VPS13B: variants seen among roughly 807,000 people sequenced by gnomAD.
VPS13B encodes the protein intermembrane lipid transfer protein VPS13B.
A neutral mutation model predicts 426.4 loss-of-function variants in VPS13B; 285 were observed. That is an observed-to-expected ratio of 0.67 (90% CI 0.61 to 0.74). The LOEUF (loss-of-function observed/expected upper bound fraction) is 0.74. Ranked by LOEUF, VPS13B falls within the 30% of genes least tolerant of loss-of-function variation. The pLI, the probability that VPS13B is intolerant of heterozygous loss-of-function variation, is 0.00. For missense variants in VPS13B, 4,537 were observed against 4,782.6 expected (o/e 0.95, Z 1.51); for synonymous variants, 1,676 against 1,676.4 (o/e 1.00, Z 0.01).
At chr8:99,086,459 C>A (rs980579898) in intron 3 of VPS13B, among the ~76,000 whole-genome samples, 1 of 152,206 alleles carries the variant, frequency 6.6e-6, no homozygotes, top group Non-Finnish European at 1.5e-5. Context: ...TCTCTCAAAT[C>A]GTCAAAGTCA....
chr8:99,821,739 A>G (rs191117937), intron 50 of VPS13B, among the ~76,000 whole-genome samples: 77 of 152,286 alleles, frequency 5.1e-4, no homozygotes, highest in African/African-American at 1.6e-3. Context: ...AACTTGATTT[A>G]TAGTATGTGG....
At chr8:99,188,052 C>CTTTT (rs756484540) in intron 16 of VPS13B, among the ~76,000 whole-genome samples, 2 of 56,210 alleles carry the variant, frequency 3.6e-5, no homozygotes, top group Non-Finnish European at 3.8e-5. Context: ...GTTGTTTGGA[C>CTTTT]ATTTTTTTTT....
At chr8:99,095,740 T>C (rs1846380413) in intron 3 of VPS13B, among the ~76,000 whole-genome samples, 1 of 152,160 alleles carries the variant, frequency 6.6e-6, no homozygotes, top group Non-Finnish European at 1.5e-5. Context: ...TTCAAAAATA[T>C]GTATAATTTA....
chr8:99,838,516 G>C (rs1443757399), intron 54 of VPS13B, among the ~76,000 whole-genome samples: 1 of 152,182 alleles, frequency 6.6e-6, no homozygotes, highest in Non-Finnish European at 1.5e-5. Context: ...CAACAACATT[G>C]AGAAGCCTGC....
intron 6 of VPS13B, among the ~76,000 whole-genome samples, chr8:99,114,398 G>A (rs192954873): frequency 2.0e-5 from 3 of 152,044 alleles, no homozygotes; most frequent in South Asian, 4.2e-4. Context: ...ATCAGTTCAG[G>A]TTCTTTATCC....
chr8:99,411,611 G>T (rs1351410265), intron 21 of VPS13B, among the ~76,000 whole-genome samples: 1 of 152,118 alleles, frequency 6.6e-6, no homozygotes, highest in African/African-American at 2.4e-5. Context: ...CGTTGCTTTT[G>T]GTGTTTTAGT....
At chr8:99,192,840 T>C in intron 16 of VPS13B, 36 bp from the exon 17 acceptor site, 1 of 1,608,518 alleles carries the variant, frequency 6.2e-7, no homozygotes. Context: ...TAAATGCTAT[T>C]TACTGTATTG....
intron 19 of VPS13B, among the ~76,000 whole-genome samples, chr8:99,315,782 G>A (rs973840043): frequency 4.6e-5 from 7 of 152,130 alleles, no homozygotes; most frequent in East Asian, 1.9e-4. Context: ...GACTACGGGC[G>A]CCTGCCACCG....
intron 54 of VPS13B, among the ~76,000 whole-genome samples, chr8:99,845,110 C>T (rs544167857): frequency 7.9e-5 from 12 of 152,324 alleles, no homozygotes; most frequent in African/African-American, 2.9e-4. Context: ...TCGATTTCTA[C>T]TGTCTGACCA....
chr8:99,436,008 A>G lies in VPS13B; in HGVS notation c.3210+4344A>G, dbSNP rs544998959. On this transcript the variant is annotated intron_variant, in intron 22 of 61. Coordinates refer to ENST00000357162, the MANE Select transcript of VPS13B (RefSeq NM_152564.5). ...CATTCAAGAAAGTATGTACAGTTGA[A>G]AGAGCAATGGGCCAAGGGAATACCG... 4.1e-4 allele frequency among the ~76,000 whole-genome samples: 62 copies of G among 152,296 alleles called. 1 individual carries two copies. The highest frequency in any genetic ancestry group is 1.7e-3 in the South Asian group (8 of 4,826).
chr8:99,379,893 C>T (rs868432591), intron 19 of VPS13B, among the ~76,000 whole-genome samples: 6 of 152,012 alleles, frequency 3.9e-5, no homozygotes, highest in South Asian at 2.1e-4. Context: ...TATTTATCTA[C>T]GTAGGTTTTA....
intron 19 of VPS13B, among the ~76,000 whole-genome samples, chr8:99,369,403 C>T (rs78931879): frequency 0.02 from 3,105 of 152,208 alleles, 113 homozygotes; most frequent in African/African-American, 0.071. Flanking sequence ...CATACATATC[C>T]GCAAGGCATA....
chr8:99,575,430 T>C lies in VPS13B; in HGVS notation c.4950-228T>C, dbSNP rs536710122. Among the ~76,000 whole-genome samples the C allele has an allele frequency of 3.9e-5, 6 of 152,352 alleles. No homozygotes were observed. In the South Asian group the frequency reaches 1.2e-3, roughly 32 times the overall value. On this transcript the variant is annotated intron_variant, in intron 31 of 61. Coordinates refer to ENST00000357162, the MANE Select transcript of VPS13B (RefSeq NM_152564.5). ...TTAAAAAGTCCTGGGATGATACTAA[T>C]ATGAAATTGCTTAATTACACCTTAA...
At chr8:99,778,231 CAAA>C (rs377457529) in intron 41 of VPS13B, among the ~76,000 whole-genome samples, 2 of 94,462 alleles carry the variant, frequency 2.1e-5, no homozygotes, top group African/African-American at 4.0e-5. Context: ...GACTCCATCT[CAAA>C]AAAAAAAAAA....
chr8:99,494,016 C>T (rs1203959518), intron 25 of VPS13B, among the ~76,000 whole-genome samples: 1 of 151,952 alleles, frequency 6.6e-6, no homozygotes, highest in African/African-American at 2.4e-5. Flanking sequence ...TATCCCACTC[C>T]AGTGGCCCAA....
At chr8:99,303,951 T>C (rs375378496) in intron 19 of VPS13B, among the ~76,000 whole-genome samples, 25 of 152,210 alleles carry the variant, frequency 1.6e-4, no homozygotes, top group African/African-American at 5.8e-4. Context: ...AGCTTAATTT[T>C]GACGTTCACA....
chr8:99,431,703 A>G (rs779897614), intron 22 of VPS13B, 39 bp downstream of exon 22: 5 of 1,592,128 alleles, frequency 3.1e-6, no homozygotes, highest in East Asian at 4.6e-5. Flanking sequence ...TATAATTTCT[A>G]TAATCCTTTT....
intron 3 of VPS13B, among the ~76,000 whole-genome samples, chr8:99,072,256 G>C (rs939415438): frequency 3.9e-5 from 6 of 152,140 alleles, no homozygotes; most frequent in African/African-American, 1.4e-4. Flanking sequence ...ATTACTGCTG[G>C]TGTTTATCCA....
At chr8:99,300,070 C>CT (rs1038754142) in intron 19 of VPS13B, among the ~76,000 whole-genome samples, 2 of 152,176 alleles carry the variant, frequency 1.3e-5, no homozygotes, top group African/African-American at 2.4e-5. Flanking sequence ...GTTTCTAAAT[C>CT]TTTGAGTCTG....
Sources: gnomAD v4.1 joint callset for allele counts (sites outside exome capture counted in the v4.1 genomes callset) on GRCh38, gnomAD v4.1.1 for gene constraint, MANE v1.5 for transcripts, NCBI Gene and HGNC (gene_info 2026-07-23, HGNC 2026-07-21) for gene names.